VLDLR: variants seen among roughly 807,000 people sequenced by gnomAD.
VLDLR encodes very low density lipoprotein receptor, also known as very low-density lipoprotein receptor.
A neutral mutation model predicts 112.7 loss-of-function variants in VLDLR; 81 were observed. The observed-to-expected ratio is 0.72, with a 90% CI of 0.60 to 0.86. VLDLR has a LOEUF of 0.86. Ranked by LOEUF, VLDLR falls within the 40% of genes least tolerant of loss-of-function variation. VLDLR has a pLI of 0.00. For missense variants in VLDLR, 1,237 were observed against 1,099.4 expected (o/e 1.13, Z -1.77); for synonymous variants, 436 against 384.8 (o/e 1.13, Z -1.56).
At chr9:2,639,497 G>A (rs1048856367) in intron 2 of VLDLR, among the ~76,000 whole-genome samples, 6 of 152,228 alleles carry the variant, frequency 3.9e-5, no homozygotes, top group African/African-American at 1.4e-4. Context: ...ATGTTTAGCT[G>A]TTAAATGAAG....
intron 1 of VLDLR, among the ~76,000 whole-genome samples, chr9:2,627,834 C>T (rs1586634421): frequency 1.3e-5 from 2 of 149,266 alleles, no homozygotes; most frequent in East Asian, 3.9e-4. Flanking sequence ...CACTGCACTC[C>T]AGCCTGGGCT....
intron 11 of VLDLR, 67 bp downstream of exon 11, chr9:2,646,619 C>A: frequency 7.2e-7 from 1 of 1,397,278 alleles, no homozygotes; most frequent in Non-Finnish European, 1.0e-6. Context: ...CTTTCTCATA[C>A]CTGAATTAGT....
intron 1 of VLDLR, among the ~76,000 whole-genome samples, chr9:2,624,168 C>T (rs1052653252): frequency 6.6e-6 from 1 of 152,174 alleles, no homozygotes; most frequent in African/African-American, 2.4e-5. Flanking sequence ...GGATCCTTTT[C>T]ACTTTGTCAC....
At chr9:2,624,616 T>C (rs1230107030) in intron 1 of VLDLR, among the ~76,000 whole-genome samples, 2 of 152,240 alleles carry the variant, frequency 1.3e-5, no homozygotes, top group East Asian at 3.8e-4. Context: ...TATTCATATA[T>C]GGCTAGCAAC....
At chr9:2,651,823 C>A in intron 16 of VLDLR, 51 bp from the exon 17 acceptor site, 7 of 1,608,210 alleles carry the variant, frequency 4.4e-6, no homozygotes, top group Non-Finnish European at 6.0e-6. Flanking sequence ...GGGTAAATTT[C>A]TAAGTCTGAA....
intron 7 of VLDLR, among the ~76,000 whole-genome samples, chr9:2,644,404 C>T (rs992479021): frequency 1.3e-5 from 2 of 148,648 alleles, no homozygotes; most frequent in African/African-American, 5.0e-5. Context: ...CTCCTGACCT[C>T]GTGATCCACC....
In VLDLR at chr9:2,644,465, G is replaced by T. The variant is rs34425616; in HGVS notation, c.1067-269G>T. ...ATTACAGGCATGAGCCACCGCGCCC[G>T]GCCCAAACTAGTTTATAGTTTAACC... On this transcript the variant is annotated intron_variant, in intron 7 of 18. Coordinates refer to ENST00000382100, the MANE Select transcript of VLDLR (RefSeq NM_003383.5). 4.0e-5 allele frequency among the ~76,000 whole-genome samples: 6 copies of T among 151,504 alleles called. No individual in the cohort carries two copies. The East Asian group carries it at 1.2e-3, about 29-fold the overall frequency.
chr9:2,653,540 G>T (rs1303744284), intron 18 of VLDLR, among the ~76,000 whole-genome samples: 1 of 152,118 alleles, frequency 6.6e-6, no homozygotes, highest in Admixed American at 6.5e-5. Flanking sequence ...TGGAACAGTG[G>T]TCAATTCTTG....
intron 2 of VLDLR, among the ~76,000 whole-genome samples, chr9:2,636,617 A>G (rs965462017): frequency 3.3e-5 from 5 of 152,194 alleles, no homozygotes; most frequent in African/African-American, 1.2e-4. Flanking sequence ...AGTCCATTCT[A>G]CCATCTCAGG....
intron 12 of VLDLR, 144 bp downstream of exon 12, chr9:2,647,736 C>T (rs1818139026): frequency 2.6e-6 from 2 of 774,666 alleles, no homozygotes; most frequent in East Asian, 2.5e-5. Context: ...AGTAACTGAA[C>T]AACACAAGTA....
chr9:2,657,275 A>C lies in VLDLR; in HGVS notation c.*3407A>C, dbSNP rs1351751791. 1.3e-5 allele frequency: 2 copies of C among 152,216 alleles called. No individual in the cohort carries two copies. The highest frequency in any genetic ancestry group is 4.8e-5 in the African/African-American group (2 of 41,464). The allele number at this position is 152,216 out of a possible 1,614,324, so 9.4% of individuals were successfully genotyped here. A position where few individuals can be genotyped will look rare whatever the true frequency, so the allele number is the denominator to read the frequency against. On this transcript the variant is annotated 3_prime_UTR_variant, in exon 19 of 19. Coordinates refer to ENST00000382100, the MANE Select transcript of VLDLR (RefSeq NM_003383.5). ...AAAACAATTTATTATTTTGAATCCA[A>C]ATGAAAGCTATACTGTTTGCTTTCA...
chr9:2,648,493 C>G (rs886077219), intron 13 of VLDLR, 146 bp downstream of exon 13: 9 of 1,512,544 alleles, frequency 6.0e-6, no homozygotes, highest in African/African-American at 1.4e-5. Context: ...AAATCAGACA[C>G]TAAGTCCCAG....
At chr9:2,638,103 C>A (rs190613053) in intron 2 of VLDLR, among the ~76,000 whole-genome samples, 7 of 152,290 alleles carry the variant, frequency 4.6e-5, no homozygotes, top group African/African-American at 1.4e-4. Context: ...CCTCCATGCT[C>A]AGGAGAACAC....
Position 2,639,900 on chromosome 9 carries a change from G to A in VLDLR, c.244G>A (p.Gly82Ser). Reference sequence around the variant, plus strand: ...TGAATCTGACTTCGTGTGCAACAATGGCCAGTGTGTTCCCAGCCGATGGAA... The same window carrying A: ...TGAATCTGACTTCGTGTGCAACAATAGCCAGTGTGTTCCCAGCCGATGGAA... ...CAESDFVCNN[G>S]QCVPSRWKCD... Residue 82 changes from glycine to serine, a missense_variant, in exon 3 of 19, where the codon GGC (glycine) becomes AGC (serine). Gly to Ser is a moderately conservative substitution (Grantham distance 56). Coordinates refer to ENST00000382100, the MANE Select transcript of VLDLR (RefSeq NM_003383.5). The A allele has an allele frequency of 6.2e-7, 1 of 1,614,172 alleles. No homozygotes were observed. Among genetic ancestry groups the A allele is most frequent in the Non-Finnish European group, 8.5e-7 (1 of 1,180,024 alleles).
At chr9:2,627,498 G>C (rs943038821) in intron 1 of VLDLR, among the ~76,000 whole-genome samples, 5 of 152,080 alleles carry the variant, frequency 3.3e-5, no homozygotes, top group African/African-American at 1.2e-4. Flanking sequence ...TGGAAATGAA[G>C]CCAACACACC....
Position 2,621,969 on chromosome 9 carries a change from C to T in VLDLR, c.-221C>T, listed in dbSNP as rs972098641. The T allele has an allele frequency of 2.4e-5, 16 of 659,970 alleles. No homozygotes were observed. Among genetic ancestry groups the T allele is most frequent in the African/African-American group, 1.7e-4 (9 of 54,518 alleles). 40.9% of individuals were successfully genotyped at this position (659,970 alleles called of 1,614,324 possible). A position where few individuals can be genotyped will look rare whatever the true frequency, so the allele number is the denominator to read the frequency against. On this transcript the variant is annotated 5_prime_UTR_variant, in exon 1 of 19. Coordinates refer to ENST00000382100, the MANE Select transcript of VLDLR (RefSeq NM_003383.5). ...CTCGGCTTGCACTGCTGCTGCAGCC[C>T]GGGGAGGTGGCTGGGTGGGTGGGGA...
intron 1 of VLDLR, among the ~76,000 whole-genome samples, chr9:2,633,330 G>C (rs1817451932): frequency 6.6e-6 from 1 of 152,024 alleles, no homozygotes; most frequent in East Asian, 1.9e-4. Context: ...TAAATTCAGA[G>C]ACCCTCTTTA....
intron 1 of VLDLR, among the ~76,000 whole-genome samples, chr9:2,629,019 G>T (rs1045624326): frequency 6.6e-6 from 1 of 152,206 alleles, no homozygotes; most frequent in African/African-American, 2.4e-5. Context: ...CCTTAGTGCA[G>T]TGGTTCTCAA....
At chr9:2,652,703 T>C in intron 17 of VLDLR, 77 bp from the exon 18 acceptor site, 1 of 1,580,728 alleles carries the variant, frequency 6.3e-7, no homozygotes, top group South Asian at 1.1e-5. Flanking sequence ...TTATTATGGA[T>C]TCCTGAACGT....
Sources: allele counts gnomAD v4.1 joint callset (sites outside exome capture counted in the v4.1 genomes callset), GRCh38; gene constraint gnomAD v4.1.1; transcripts MANE v1.5; gene names NCBI Gene and HGNC (gene_info 2026-07-23, HGNC 2026-07-21).